The following PTPRD variants were observed in gnomAD, a reference collection of about 807,000 sequenced individuals.
PTPRD encodes the protein receptor-type tyrosine-protein phosphatase delta.
PTPRD carries 34 observed loss-of-function variants against 214.5 expected under a neutral mutation model. The observed-to-expected ratio is 0.16, with a 90% CI of 0.12 to 0.21. PTPRD has a LOEUF of 0.21. PTPRD is among the 10% of genes least tolerant of loss of function. PTPRD has a pLI of 1.00. For synonymous variants in PTPRD, 1,128 were observed against 845.7 expected (o/e 1.33, Z -5.79); for missense variants, 2,545 against 2,398.7 (o/e 1.06, Z -1.27).
intron 2 of PTPRD, among the ~76,000 whole-genome samples, chr9:10,422,170 T>C (rs185378197): frequency 1.3e-5 from 2 of 152,040 alleles, no homozygotes; most frequent in Admixed American, 1.3e-4. Flanking sequence ...TCTACAACCA[T>C]CTGATCGTTG....
intron 7 of PTPRD, among the ~76,000 whole-genome samples, chr9:9,693,237 A>G (rs535787441): frequency 3.6e-4 from 55 of 152,192 alleles, no homozygotes; most frequent in Admixed American, 7.9e-4. Flanking sequence ...ACTAAATCTC[A>G]TCTTGAATTG....
At chr9:8,537,353 GAC>G (rs2077200913) in intron 14 of PTPRD, among the ~76,000 whole-genome samples, 1 of 151,954 alleles carries the variant, frequency 6.6e-6, no homozygotes, top group East Asian at 1.9e-4. Context: ...AAAAAAAACT[GAC>G]AGTTAATACA....
At chr9:9,111,084 A>G (rs974104131) in intron 10 of PTPRD, among the ~76,000 whole-genome samples, 5 of 152,064 alleles carry the variant, frequency 3.3e-5, no homozygotes, top group Admixed American at 1.3e-4. Flanking sequence ...ATCAGAAGTT[A>G]AAGTGAGCTA....
chr9:9,584,667 A>G (rs1293494585), intron 7 of PTPRD, among the ~76,000 whole-genome samples: 2 of 151,950 alleles, frequency 1.3e-5, no homozygotes, highest in Non-Finnish European at 2.9e-5. Context: ...TTTCCAAGAA[A>G]GGATCTCTCT....
At chr9:9,650,913 TAAGTA>T (rs1337411032) in intron 7 of PTPRD, among the ~76,000 whole-genome samples, 40 of 152,080 alleles carry the variant, frequency 2.6e-4, no homozygotes, top group African/African-American at 9.7e-4. Context: ...ATTTATAAAT[TAAGTA>T]TATTATCTAC....
intron 3 of PTPRD, among the ~76,000 whole-genome samples, chr9:10,052,338 G>T (rs887021836): frequency 1.3e-5 from 2 of 152,078 alleles, no homozygotes; most frequent in Non-Finnish European, 2.9e-5. Flanking sequence ...TAAAAAAGGC[G>T]CCTGCTTAGT....
At chr9:8,730,173 G>A (rs754178807) in intron 12 of PTPRD, among the ~76,000 whole-genome samples, 9 of 152,052 alleles carry the variant, frequency 5.9e-5, no homozygotes, top group South Asian at 2.1e-4. Flanking sequence ...GGAGAATGGC[G>A]TGAACCCAGG....
intron 8 of PTPRD, among the ~76,000 whole-genome samples, chr9:9,480,380 G>C (rs994920562): frequency 6.6e-6 from 1 of 152,114 alleles, no homozygotes; most frequent in Non-Finnish European, 1.5e-5. Context: ...AAAGCTGAAA[G>C]CATATTTGAA....
At chr9:10,178,196 T>C (rs73396391) in intron 3 of PTPRD, among the ~76,000 whole-genome samples, 3,027 of 152,032 alleles carry the variant, frequency 0.02, 102 homozygotes, top group African/African-American at 0.07. Context: ...GGAATGGGAT[T>C]GGGGCACAAG....
intron 9 of PTPRD, among the ~76,000 whole-genome samples, chr9:9,272,161 A>C (rs1943201701): frequency 6.6e-6 from 1 of 151,278 alleles, no homozygotes; most frequent in Non-Finnish European, 1.5e-5. Context: ...CCTTCCCAAA[A>C]TATACTTGAA....
intron 3 of PTPRD, among the ~76,000 whole-genome samples, chr9:10,163,829 C>A (rs562480358): frequency 6.6e-6 from 1 of 151,570 alleles, no homozygotes; most frequent in African/African-American, 2.4e-5. Context: ...ATATGTTCAA[C>A]AATAAGACAA....
At chr9:8,893,047 T>C (rs2098555299) in intron 11 of PTPRD, among the ~76,000 whole-genome samples, 1 of 152,166 alleles carries the variant, frequency 6.6e-6, no homozygotes, top group Admixed American at 6.6e-5. Flanking sequence ...CTAAGTTTTC[T>C]AAGAAGTTTG....
At chr9:9,822,666 C>T (rs1446831077) in intron 5 of PTPRD, among the ~76,000 whole-genome samples, 2 of 151,716 alleles carry the variant, frequency 1.3e-5, no homozygotes, top group East Asian at 3.9e-4. Flanking sequence ...ACAGTCAAAA[C>T]ATATCTTCAT....
At chr9:8,929,684 T>C (rs1484659151) in intron 11 of PTPRD, among the ~76,000 whole-genome samples, 5 of 110,934 alleles carry the variant, frequency 4.5e-5, no homozygotes, top group Non-Finnish European at 6.7e-5. Flanking sequence ...TTTTCTTTTA[T>C]ATATGTGTAT....
At chr9:9,267,274 T>C (rs1940351407) in intron 9 of PTPRD, among the ~76,000 whole-genome samples, 1 of 151,278 alleles carries the variant, frequency 6.6e-6, no homozygotes, top group South Asian at 2.1e-4. Context: ...AGGAACTATT[T>C]GAATAATATC....
chr9:10,330,891 C>G (rs2154434296), intron 3 of PTPRD, among the ~76,000 whole-genome samples: 1 of 151,910 alleles, frequency 6.6e-6, no homozygotes, highest in South Asian at 2.1e-4. Flanking sequence ...TAAAGTTAGC[C>G]AACTTCTCTT....
Position 8,667,784 on chromosome 9 carries a change from C to A in PTPRD, c.65-30940G>T, listed in dbSNP as rs183460870. Among the ~76,000 whole-genome samples the A allele has an allele frequency of 2.6e-5, 4 of 151,796 alleles. No individual in the cohort carries two copies. The East Asian group carries it at 7.8e-4, about 29-fold the overall frequency. On this transcript the variant is annotated intron_variant, in intron 12 of 45. Transcript: ENST00000381196. ...TAAAAAAATAAAATAAAATAAAAAT[C>A]CAAAATCTGAAACACTTTTGGTCCC... is the stretch of plus-strand genomic sequence containing the variant.
intron 11 of PTPRD, among the ~76,000 whole-genome samples, chr9:8,737,119 C>A (rs1421622943): frequency 6.6e-6 from 1 of 152,182 alleles, no homozygotes; most frequent in Non-Finnish European, 1.5e-5. Flanking sequence ...GCTTTTCCTC[C>A]TACTCAGCTG....
At chr9:9,605,651 G>C (rs1227824715) in intron 7 of PTPRD, among the ~76,000 whole-genome samples, 1 of 151,998 alleles carries the variant, frequency 6.6e-6, no homozygotes, top group Non-Finnish European at 1.5e-5. Flanking sequence ...TCAATATAGA[G>C]GATGAACTAG....
Sources: allele counts gnomAD v4.1 joint callset (sites outside exome capture counted in the v4.1 genomes callset), GRCh38; gene constraint gnomAD v4.1.1; transcripts MANE v1.5; gene names NCBI Gene and HGNC (gene_info 2026-07-23, HGNC 2026-07-21).